The following NEDD4L variants were observed in gnomAD, a reference collection of about 807,000 sequenced individuals.
The protein encoded by NEDD4L is NEDD4 like E3 ubiquitin protein ligase, also known as E3 ubiquitin-protein ligase NEDD4-like.
Under a neutral mutation model 148.9 loss-of-function variants are expected in NEDD4L, and 54 were observed. The observed-to-expected ratio is 0.36, with a 90% CI of 0.29 to 0.45. NEDD4L has a LOEUF of 0.45. NEDD4L is among the 20% of genes least tolerant of loss of function. The probability of loss-of-function intolerance (pLI) is 1.00; values close to 1 mark genes in which losing one functional copy is unlikely to be tolerated. For missense variants in NEDD4L, 856 were observed against 1,233.8 expected (o/e 0.69, Z 4.59); for synonymous variants, 433 against 440.7 (o/e 0.98, Z 0.22).
At chr18:58,280,891 C>T (rs1266883820) in intron 5 of NEDD4L, among the ~76,000 whole-genome samples, 2 of 152,112 alleles carry the variant, frequency 1.3e-5, no homozygotes, top group African/African-American at 4.8e-5. Flanking sequence ...AAAGATTAAT[C>T]AACAAAATGA....
chr18:58,270,515 G>A (rs182640581), intron 5 of NEDD4L, among the ~76,000 whole-genome samples: 65 of 152,280 alleles, frequency 4.3e-4, no homozygotes, highest in African/African-American at 1.4e-3. Flanking sequence ...TAAGTAGAGC[G>A]TTCTGAACAT....
intron 2 of NEDD4L, among the ~76,000 whole-genome samples, chr18:58,209,938 G>A (rs1172126587): frequency 4.6e-5 from 7 of 152,084 alleles, no homozygotes; most frequent in Admixed American, 2.0e-4. Context: ...AGGCCAAGGC[G>A]GGCGGATCAC....
chr18:58,168,336 C>T (rs1319411492), intron 2 of NEDD4L, among the ~76,000 whole-genome samples: 1 of 152,216 alleles, frequency 6.6e-6, no homozygotes, highest in Non-Finnish European at 1.5e-5. Flanking sequence ...TGGTGTCTCA[C>T]TCTGGAGTGG....
intron 9 of NEDD4L, among the ~76,000 whole-genome samples, chr18:58,327,382 C>T (rs1243445138): frequency 2.0e-5 from 3 of 152,162 alleles, no homozygotes; most frequent in African/African-American, 7.2e-5. Flanking sequence ...CAGGTATGAC[C>T]CACCACGCCC....
intron 2 of NEDD4L, among the ~76,000 whole-genome samples, chr18:58,180,146 G>A (rs1056354271): frequency 7.2e-5 from 11 of 152,182 alleles, no homozygotes; most frequent in Non-Finnish European, 1.5e-4. Flanking sequence ...GGTGAACGGG[G>A]GCACAGAGGT....
At chr18:58,097,493 C>G (rs1029253055) in intron 1 of NEDD4L, among the ~76,000 whole-genome samples, 1 of 152,226 alleles carries the variant, frequency 6.6e-6, no homozygotes, top group Non-Finnish European at 1.5e-5. Context: ...CAGAGCCCCC[C>G]ACGTTGCATT....
At chr18:58,300,529 G>T (rs1453935016) in intron 5 of NEDD4L, among the ~76,000 whole-genome samples, 1 of 152,224 alleles carries the variant, frequency 6.6e-6, no homozygotes, top group African/African-American at 2.4e-5. Flanking sequence ...CATCCAAAAA[G>T]GTTCAGGGCC....
At chr18:58,106,501 G>A (rs1473119556) in intron 1 of NEDD4L, among the ~76,000 whole-genome samples, 1 of 152,144 alleles carries the variant, frequency 6.6e-6, no homozygotes, top group Non-Finnish European at 1.5e-5. Context: ...TGGTCAAAAG[G>A]CTGCCTGGTG....
intron 2 of NEDD4L, among the ~76,000 whole-genome samples, chr18:58,218,574 T>C (rs192978980): frequency 2.0e-4 from 31 of 152,306 alleles, no homozygotes; most frequent in Non-Finnish European, 4.4e-5. Flanking sequence ...GGGAGGCTGC[T>C]CGTCCCTCCT....
rs966792379 is a variant in NEDD4L, at chr18:58,205,897, G to A, written c.123-39530G>A. Among the ~76,000 whole-genome samples, 3 of 152,242 alleles carry A rather than the reference G, an allele frequency of 2.0e-5. No homozygotes were observed. The South Asian group carries it at 6.2e-4, about 32-fold the overall frequency. On this transcript the variant is annotated intron_variant, in intron 2 of 30. Coordinates refer to ENST00000400345, the MANE Select transcript of NEDD4L (RefSeq NM_001144967.3). ...TCTGATGTTTGTTTTCCTCTGTGCT[G>A]TTCTTCTGGCCTCAGAATCCTAGTG...
chr18:58,334,381 A>C (rs181376468), intron 12 of NEDD4L, among the ~76,000 whole-genome samples: 2 of 152,316 alleles, frequency 1.3e-5, no homozygotes, highest in East Asian at 3.9e-4. Flanking sequence ...ATTGGCTATA[A>C]TTCTTTCCAA....
At chr18:58,200,071 A>G (rs2041216447) in intron 2 of NEDD4L, among the ~76,000 whole-genome samples, 1 of 152,224 alleles carries the variant, frequency 6.6e-6, no homozygotes, top group African/African-American at 2.4e-5. Flanking sequence ...ATAGTAGTCA[A>G]TCTTACTGTT....
At chr18:58,159,231 A>T (rs974915965) in intron 1 of NEDD4L, among the ~76,000 whole-genome samples, 17 of 151,990 alleles carry the variant, frequency 1.1e-4, no homozygotes, top group African/African-American at 2.9e-4. Flanking sequence ...GAGATTTTTT[A>T]AAAAATGCAG....
chr18:58,234,193 C>T (rs1411267449), intron 2 of NEDD4L, among the ~76,000 whole-genome samples: 1 of 138,292 alleles, frequency 7.2e-6, no homozygotes, highest in African/African-American at 2.8e-5. Context: ...TCCTTCCTTC[C>T]CCCCTTCCTG....
At chr18:58,324,950 G>A in intron 8 of NEDD4L, 46 bp from the exon 9 acceptor site, 1 of 1,568,610 alleles carries the variant, frequency 6.4e-7, no homozygotes, top group Non-Finnish European at 8.7e-7. Flanking sequence ...CTTACTCACA[G>A]CCGAAGAACC....
At chr18:58,242,473 C>T (rs1014143353) in intron 2 of NEDD4L, among the ~76,000 whole-genome samples, 4 of 152,026 alleles carry the variant, frequency 2.6e-5, no homozygotes, top group South Asian at 2.1e-4. Context: ...CACCCGTTCT[C>T]CCCCTCTTCT....
chr18:58,203,614 CT>C (rs11364816), intron 2 of NEDD4L, among the ~76,000 whole-genome samples: 57,463 of 143,100 alleles, frequency 0.4, 12,915 homozygotes, highest in African/African-American at 0.63. Flanking sequence ...AACAGATGAT[CT>C]TTTTTTTTTT....
intron 1 of NEDD4L, among the ~76,000 whole-genome samples, chr18:58,130,775 A>G (rs1315023577): frequency 7.6e-5 from 9 of 118,556 alleles, no homozygotes; most frequent in East Asian, 2.9e-4. Context: ...GAACTGTGGC[A>G]GTGTTGGGCT....
intron 1 of NEDD4L, among the ~76,000 whole-genome samples, chr18:58,145,174 C>G (rs1394048503): frequency 6.6e-6 from 1 of 152,206 alleles, no homozygotes; most frequent in Non-Finnish European, 1.5e-5. Context: ...CCAGGGCCCC[C>G]TCTCATCAGG....
Sources: allele counts gnomAD v4.1 joint callset (sites outside exome capture counted in the v4.1 genomes callset), GRCh38; gene constraint gnomAD v4.1.1; transcripts MANE v1.5; gene names NCBI Gene and HGNC (gene_info 2026-07-23, HGNC 2026-07-21).